Variants in PLSCR1 observed in about 807,000 individuals in gnomAD.
PLSCR1 encodes PL scramblase 1.
In PLSCR1, 17 loss-of-function variants were observed where a neutral mutation model predicts 37.8. The ratio of observed to expected loss-of-function variants is 0.45; its 90% CI spans 0.31 to 0.68. The LOEUF (loss-of-function observed/expected upper bound fraction) is 0.68, where lower values mean the gene tolerates loss of function less well. Ranked by LOEUF, PLSCR1 falls within the 30% of genes least tolerant of loss-of-function variation. The pLI is 0.06. For synonymous variants in PLSCR1, 116 were observed against 125.9 expected, an observed-to-expected ratio of 0.92 and a Z score of 0.53; for missense variants, 347 against 380.9, an observed-to-expected ratio of 0.91 and a Z score of 0.74.
At chr3:146,537,464 C>A (rs1475690745) in intron 1 of PLSCR1, among the ~76,000 whole-genome samples, 3 of 152,170 alleles carry the variant, frequency 2.0e-5, no homozygotes, top group Non-Finnish European at 4.4e-5. Flanking sequence ...GCTGGCTACC[C>A]TTTAAATTAT....
rs540663236 is a variant in PLSCR1 at position 146,517,091 on chromosome 3, G to A, written c.815C>T (p.Thr272Ile). 2 of 1,601,186 alleles carry A rather than the reference G, an allele frequency of 1.2e-6. No individual in the cohort carries two copies. Among genetic ancestry groups the A allele is most frequent in the Admixed American group, 1.7e-5 (1 of 58,688 alleles). ...HWTGILREAF[T>I]DADNFGIQFP... ...CTGGATTCCAAAGTTATCAGCGTCT[G>A]TAAATGCCTCTCTCAAAATTCCAGT... The change falls in exon 8 of 9, where the codon ACA (threonine) becomes ATA (isoleucine). Residue 272 changes from threonine (T) to isoleucine (I), a missense_variant. Thr to Ile is a moderately conservative substitution (Grantham distance 89). Transcript: ENST00000342435.
Position 146,533,525 on chromosome 3 carries a change from C to A in PLSCR1, c.39G>T (p.Pro13=). The change falls in exon 3 of 9, where the codon CCG becomes CCT. Residue 13 remains proline, a synonymous_variant. Coordinates refer to ENST00000342435, the MANE Select transcript of PLSCR1 (RefSeq NM_021105.3). ...GATACCCAACTGGCAAGTTTGTTTC[C>A]GGGTGAGAAGCATTCATCTGTGAGT... The part of the protein sequence containing the change: ...KQNSQMNASH[P]ETNLPVGYPP... 1 of 1,606,096 alleles carries A rather than the reference C, an allele frequency of 6.2e-7. No homozygotes were observed. The highest frequency in any genetic ancestry group is 1.1e-5 in the South Asian group (1 of 90,260).
chr3:146,520,405 G>T lies in PLSCR1; in HGVS notation c.738+1139C>A, dbSNP rs188293858. On this transcript the variant is annotated intron_variant, in intron 7 of 8. Coordinates refer to ENST00000342435, the MANE Select transcript of PLSCR1 (RefSeq NM_021105.3). ...GAAATTACTTTTCACTTCTCTGGATGTAGGACAGAGATTCCATCCCTTACA... is the reference window on the plus strand; with the variant it reads ...GAAATTACTTTTCACTTCTCTGGATTTAGGACAGAGATTCCATCCCTTACA... Among the ~76,000 whole-genome samples the T allele has an allele frequency of 4.9e-4, 75 of 152,244 alleles. No homozygotes were observed. In the East Asian group the frequency reaches 8.1e-3, roughly 16 times the overall value.
chr3:146,522,731 CA>C (rs2044044305), intron 5 of PLSCR1, among the ~76,000 whole-genome samples: 1 of 152,094 alleles, frequency 6.6e-6, no homozygotes, highest in Non-Finnish European at 1.5e-5. Context: ...CGCGTCTTTG[CA>C]GTTGAGATAA....
At chr3:146,538,623 G>A (rs1373246) in intron 1 of PLSCR1, among the ~76,000 whole-genome samples, 21 of 151,848 alleles carry the variant, frequency 1.4e-4, no homozygotes, top group Middle Eastern at 3.4e-3. Context: ...TATTCTCACC[G>A]TCCCTACAGG....
At chr3:146,526,305 A>G (rs2044111552) in intron 4 of PLSCR1, among the ~76,000 whole-genome samples, 1 of 152,030 alleles carries the variant, frequency 6.6e-6, no homozygotes, top group South Asian at 2.1e-4. Flanking sequence ...AATCCAAACC[A>G]CAATGAGATA....
chr3:146,538,276 C>T (rs1050311021), intron 1 of PLSCR1, among the ~76,000 whole-genome samples: 1 of 152,126 alleles, frequency 6.6e-6, no homozygotes, highest in Admixed American at 6.6e-5. Context: ...GTTTTAGATT[C>T]CATCATATGA....
At chr3:146,522,928 C>A (rs1002212681) in intron 5 of PLSCR1, among the ~76,000 whole-genome samples, 2 of 152,278 alleles carry the variant, frequency 1.3e-5, no homozygotes, top group East Asian at 3.9e-4. Context: ...AAGCACAGCA[C>A]CTTTTTCTTT....
At chr3:146,530,533 G>A (rs921861010) in intron 3 of PLSCR1, among the ~76,000 whole-genome samples, 6 of 152,272 alleles carry the variant, frequency 3.9e-5, no homozygotes, top group Admixed American at 3.3e-4. Flanking sequence ...GTATGCGAGC[G>A]AGGGCAGGGT....
At chr3:146,522,075 T>C (rs755494905) in intron 5 of PLSCR1, 22 bp from the exon 6 acceptor site, 1 of 1,256,928 alleles carries the variant, frequency 8.0e-7, no homozygotes, top group South Asian at 1.2e-5. Context: ...AAAGACGAAA[T>C]CATAATCACC....
intron 1 of PLSCR1, among the ~76,000 whole-genome samples, chr3:146,539,430 T>C (rs2044309072): frequency 6.6e-6 from 1 of 152,182 alleles, no homozygotes; most frequent in Non-Finnish European, 1.5e-5. Flanking sequence ...GGCCACAGAC[T>C]GGTACTGGTT....
At chr3:146,524,285 T>C (rs1164117122) in intron 5 of PLSCR1, among the ~76,000 whole-genome samples, 1 of 152,216 alleles carries the variant, frequency 6.6e-6, no homozygotes, top group Non-Finnish European at 1.5e-5. Flanking sequence ...ACAAATTGTT[T>C]ATATTTTTAT....
chr3:146,522,843 A>G (rs978502575), intron 5 of PLSCR1, among the ~76,000 whole-genome samples: 1 of 152,242 alleles, frequency 6.6e-6, no homozygotes, highest in Non-Finnish European at 1.5e-5. Context: ...AAACTGCCTT[A>G]GGGCTGGAGG....
intron 1 of PLSCR1, among the ~76,000 whole-genome samples, chr3:146,539,413 C>A (rs559536941): frequency 6.6e-6 from 1 of 152,318 alleles, no homozygotes; most frequent in South Asian, 2.1e-4. Flanking sequence ...AAGCCCAGTT[C>A]CTAACAGGCC....
At chr3:146,525,050 G>A (rs1200474233) in intron 5 of PLSCR1, among the ~76,000 whole-genome samples, 1 of 152,200 alleles carries the variant, frequency 6.6e-6, no homozygotes, top group Non-Finnish European at 1.5e-5. Context: ...GGAAATGTCA[G>A]GCCATTCAGC....
chr3:146,529,445 T>C (rs2044165508), intron 3 of PLSCR1, among the ~76,000 whole-genome samples: 1 of 151,824 alleles, frequency 6.6e-6, no homozygotes. Flanking sequence ...TCCCTAAAAA[T>C]GAAGAATTGT....
chr3:146,536,488 A>G, intron 2 of PLSCR1, 52 bp downstream of exon 2: 1 of 967,198 alleles, frequency 1.0e-6, no homozygotes, highest in Non-Finnish European at 1.7e-6. Flanking sequence ...ACAAGTTACC[A>G]ACAGATTAAC....
intron 1 of PLSCR1, among the ~76,000 whole-genome samples, chr3:146,543,118 G>C (rs991192316): frequency 6.6e-6 from 1 of 152,086 alleles, no homozygotes; most frequent in Non-Finnish European, 1.5e-5. Context: ...GAACTCCATA[G>C]GTAGAATTCC....
intron 1 of PLSCR1, among the ~76,000 whole-genome samples, chr3:146,541,579 A>G (rs1303098452): frequency 6.6e-6 from 1 of 152,204 alleles, no homozygotes; most frequent in Non-Finnish European, 1.5e-5. Context: ...TTCACTGAAA[A>G]AAGGAAGACT....
Sources: allele counts gnomAD v4.1 joint callset (sites outside exome capture counted in the v4.1 genomes callset), GRCh38; gene constraint gnomAD v4.1.1; transcripts MANE v1.5; gene names NCBI Gene and HGNC (gene_info 2026-07-23, HGNC 2026-07-21).